Variants in EFCAB5 observed in about 807,000 individuals in gnomAD.
EFCAB5 encodes the protein EF-hand calcium binding domain 5.
A neutral mutation model predicts 167.9 loss-of-function variants in EFCAB5; 131 were observed. The observed-to-expected ratio is 0.78, with a 90% CI of 0.68 to 0.90. The LOEUF (loss-of-function observed/expected upper bound fraction) is 0.90, where lower values mean the gene tolerates loss of function less well. Ranked by LOEUF, EFCAB5 falls within the 40% of genes least tolerant of loss-of-function variation. The pLI, the probability that EFCAB5 is intolerant of heterozygous loss-of-function variation, is 0.00. For synonymous variants in EFCAB5, 574 were observed against 602.8 expected, an observed-to-expected ratio of 0.95 and a Z score of 0.70; for missense variants, 1,663 against 1,745.2, an observed-to-expected ratio of 0.95 and a Z score of 0.84.
chr17:29,932,244 G>A (rs547559568), intron 1 of EFCAB5, among the ~76,000 whole-genome samples: 47 of 148,716 alleles, frequency 3.2e-4, no homozygotes, highest in African/African-American at 1.0e-3. Context: ...TCCGCCTCCC[G>A]GGTTCAAGCA....
At chr17:30,098,974 G>C (rs114326045) in intron 22 of EFCAB5, among the ~76,000 whole-genome samples, 1 of 152,260 alleles carries the variant, frequency 6.6e-6, no homozygotes, top group East Asian at 1.9e-4. Context: ...GTTCTAGCTT[G>C]TATCAGTACT....
At chr17:29,983,192 CA>C (rs1323392463) in intron 4 of EFCAB5, among the ~76,000 whole-genome samples, 1 of 152,156 alleles carries the variant, frequency 6.6e-6, no homozygotes, top group Non-Finnish European at 1.5e-5. Flanking sequence ...TTCAGAATAA[CA>C]ACCAAAAGTG....
intron 7 of EFCAB5, among the ~76,000 whole-genome samples, chr17:30,025,722 G>T (rs1158517687): frequency 4.6e-5 from 7 of 152,086 alleles, no homozygotes; most frequent in Non-Finnish European, 1.0e-4. Flanking sequence ...ATGCACATGT[G>T]TGTTTATTGT....
intron 1 of EFCAB5, among the ~76,000 whole-genome samples, 185 bp downstream of exon 1, chr17:29,942,023 C>T (rs950687783): frequency 6.6e-6 from 1 of 152,178 alleles, no homozygotes; most frequent in Non-Finnish European, 1.5e-5. Context: ...GTCATGGCGA[C>T]CTGCTTCTAG....
In EFCAB5 at chr17:29,960,979, T is replaced by C. The variant is rs1039319827; in HGVS notation, c.191-7812T>C. On this transcript the variant is annotated intron_variant, in intron 3 of 22. Transcript: ENST00000394835. ...CCAAGTATCTGGGACTACAGGCACA[T>C]GCCACTGTACCCAGCTCTACGTTTA... Among the ~76,000 whole-genome samples the C allele has an allele frequency of 3.3e-5, 5 of 152,142 alleles. 1 individual carries two copies. Among genetic ancestry groups the C allele is most frequent in the Non-Finnish European group, 2.9e-5 (2 of 68,032 alleles).
intron 4 of EFCAB5, among the ~76,000 whole-genome samples, chr17:29,977,173 T>C (rs1016106835): frequency 2.0e-5 from 3 of 152,140 alleles, no homozygotes; most frequent in Admixed American, 6.5e-5. Flanking sequence ...GGATTGCATA[T>C]TTGAAGGTCA....
rs906546999 is a variant in EFCAB5 at position 29,999,950 on chromosome 17, A to C, written c.1018A>C (p.Arg340=). ...GGATATTACTGACTCAACAGAACCA[A>C]GATTGAACAAAATGGAATTTACAGA... ...QLDITDSTEP[R]LNKMEFTEYI... is the part of the protein sequence containing the mutation. The change falls in exon 7 of 23, where the codon AGA becomes CGA. Residue 340 remains arginine, a synonymous_variant. Coordinates refer to ENST00000394835, the MANE Select transcript of EFCAB5 (RefSeq NM_198529.4). 1.3e-6 allele frequency: 2 copies of C among 1,581,258 alleles called. No homozygotes were observed. Among genetic ancestry groups the C allele is most frequent in the African/African-American group, 2.7e-5 (2 of 74,292 alleles).
intron 1 of EFCAB5, among the ~76,000 whole-genome samples, chr17:29,931,740 A>G (rs1303283633): frequency 6.6e-6 from 1 of 152,210 alleles, no homozygotes; most frequent in Non-Finnish European, 1.5e-5. Context: ...CATAGCTAGA[A>G]GCTGAATGAA....
chr17:30,019,215 T>C (rs2069116619), intron 7 of EFCAB5, among the ~76,000 whole-genome samples: 1 of 152,198 alleles, frequency 6.6e-6, no homozygotes, highest in South Asian at 2.1e-4. Context: ...ATTTATTCAA[T>C]AAATATGTTT....
chr17:30,021,057 A>T (rs1413161378), intron 7 of EFCAB5, among the ~76,000 whole-genome samples: 1 of 152,152 alleles, frequency 6.6e-6, no homozygotes, highest in Non-Finnish European at 1.5e-5. Flanking sequence ...GAAAAGCAGA[A>T]AGGCTTTCCA....
At chr17:30,054,225 AT>A in intron 10 of EFCAB5, 77 bp downstream of exon 10, 1 of 1,451,316 alleles carries the variant, frequency 6.9e-7, no homozygotes, top group African/African-American at 1.4e-5. Flanking sequence ...GAAAACACTC[AT>A]TTAAGTTAGA....
At chr17:29,948,596 A>G (rs2067450641) in intron 3 of EFCAB5, among the ~76,000 whole-genome samples, 1 of 152,178 alleles carries the variant, frequency 6.6e-6, no homozygotes, top group Non-Finnish European at 1.5e-5. Flanking sequence ...AACAGGTCAA[A>G]GGAAGTGTCT....
At chr17:29,987,980 T>C (rs1196449894) in intron 4 of EFCAB5, among the ~76,000 whole-genome samples, 1 of 152,156 alleles carries the variant, frequency 6.6e-6, no homozygotes, top group African/African-American at 2.4e-5. Flanking sequence ...TAGGTTCCAA[T>C]CCTCGAGGAT....
intron 14 of EFCAB5, among the ~76,000 whole-genome samples, chr17:30,076,628 G>C (rs1028192517): frequency 3.3e-5 from 5 of 152,196 alleles, no homozygotes; most frequent in African/African-American, 1.2e-4. Flanking sequence ...AAATCACAAC[G>C]GAAGTCTTCT....
intron 7 of EFCAB5, among the ~76,000 whole-genome samples, chr17:30,024,356 A>G (rs2069259624): frequency 6.6e-6 from 1 of 152,144 alleles, no homozygotes; most frequent in South Asian, 2.1e-4. Context: ...AAATCAATGT[A>G]CAAAAATAAC....
intron 14 of EFCAB5, among the ~76,000 whole-genome samples, chr17:30,064,782 T>A (rs538135292): frequency 4.6e-5 from 7 of 152,216 alleles, no homozygotes; most frequent in African/African-American, 1.4e-4. Context: ...AAAAGTATCA[T>A]ATAAGGGAAA....
intron 8 of EFCAB5, among the ~76,000 whole-genome samples, chr17:30,043,128 A>T (rs1305409799): frequency 1.3e-5 from 2 of 152,226 alleles, no homozygotes; most frequent in East Asian, 3.9e-4. Flanking sequence ...TTAGAAAAAA[A>T]GCTATCAAAA....
chr17:30,101,524 C>T (rs1286461103), intron 22 of EFCAB5, among the ~76,000 whole-genome samples: 1 of 152,028 alleles, frequency 6.6e-6, no homozygotes, highest in Non-Finnish European at 1.5e-5. Flanking sequence ...TTTGAGATAT[C>T]TATTAGATAT....
chr17:30,027,903 G>A (rs895086481), intron 7 of EFCAB5, among the ~76,000 whole-genome samples: 1 of 152,176 alleles, frequency 6.6e-6, no homozygotes, highest in African/African-American at 2.4e-5. Flanking sequence ...GCAAAGGTCA[G>A]TTTCCCAGGT....
Sources: allele counts gnomAD v4.1 joint callset (sites outside exome capture counted in the v4.1 genomes callset), GRCh38; gene constraint gnomAD v4.1.1; transcripts MANE v1.5; gene names NCBI Gene and HGNC (gene_info 2026-07-23, HGNC 2026-07-21).